HABP4: variants seen among roughly 807,000 people sequenced by gnomAD.
The protein encoded by HABP4 is intracellular hyaluronan-binding protein 4.
Under a neutral mutation model 44.1 loss-of-function variants are expected in HABP4, and 32 were observed. The observed-to-expected ratio is 0.73, with a 90% CI of 0.55 to 0.97. The LOEUF is 0.97. HABP4 is among the 50% of genes least tolerant of loss of function. HABP4 has a pLI of 0.00. For synonymous variants in HABP4, 216 were observed against 218.0 expected (o/e 0.99, Z 0.08); for missense variants, 503 against 561.9 (o/e 0.90, Z 1.06).
chr9:96,472,562 TC>T (rs1349216737), intron 5 of HABP4, among the ~76,000 whole-genome samples: 3 of 151,936 alleles, frequency 2.0e-5, no homozygotes, highest in Admixed American at 6.6e-5. Flanking sequence ...CGGGCTGCCA[TC>T]CCCCCCGACC....
chr9:96,485,802 G>A (rs1050797548), intron 6 of HABP4, among the ~76,000 whole-genome samples: 5 of 152,124 alleles, frequency 3.3e-5, no homozygotes, highest in African/African-American at 1.2e-4. Context: ...CAGGTAGCAG[G>A]TTCTTCCTCT....
intron 1 of HABP4, among the ~76,000 whole-genome samples, chr9:96,455,052 A>G (rs1299348202): frequency 1.3e-5 from 2 of 152,122 alleles, no homozygotes; most frequent in East Asian, 1.9e-4. Context: ...CCCAGAAGTC[A>G]AGGCTGCAGT....
chr9:96,484,053 G>A (rs1445408852), intron 5 of HABP4: 2 of 154,234 alleles, frequency 1.3e-5, no homozygotes, highest in African/African-American at 4.8e-5. Context: ...CATTAAAGAG[G>A]ATATTTGCAA....
intron 2 of HABP4, among the ~76,000 whole-genome samples, chr9:96,460,659 C>T (rs529285216): frequency 6.6e-6 from 1 of 152,290 alleles, no homozygotes; most frequent in East Asian, 1.9e-4. Flanking sequence ...TTCCTTTGTC[C>T]TTATGAATTT....
At chr9:96,460,528 A>T (rs1832483201) in intron 2 of HABP4, among the ~76,000 whole-genome samples, 1 of 152,240 alleles carries the variant, frequency 6.6e-6, no homozygotes. Flanking sequence ...GACTTTACTC[A>T]GATTTCACCA....
At chr9:96,461,974 TA>T (rs1832506717) in intron 2 of HABP4, among the ~76,000 whole-genome samples, 2 of 151,170 alleles carry the variant, frequency 1.3e-5, no homozygotes, top group Non-Finnish European at 2.9e-5. Flanking sequence ...CTGGCCAACA[TA>T]GTGAATCCCC....
At chr9:96,452,393 A>G (rs768462099) in intron 1 of HABP4, among the ~76,000 whole-genome samples, 1 of 152,162 alleles carries the variant, frequency 6.6e-6, no homozygotes, top group Admixed American at 6.6e-5. Context: ...TATTTTTCCT[A>G]CTAACACTTT....
At chr9:96,473,972 C>T (rs751056946) in intron 5 of HABP4, among the ~76,000 whole-genome samples, 4 of 152,152 alleles carry the variant, frequency 2.6e-5, no homozygotes, top group Non-Finnish European at 4.4e-5. Context: ...TTTTCTTCAT[C>T]TGTAAAATGG....
chr9:96,481,727 C>T (rs1225331180), intron 5 of HABP4, among the ~76,000 whole-genome samples: 1 of 152,020 alleles, frequency 6.6e-6, no homozygotes, highest in Non-Finnish European at 1.5e-5. Context: ...GCCTGGCCAA[C>T]AGAGTGAAAC....
At chr9:96,455,663 G>T (rs1832361621) in intron 1 of HABP4, among the ~76,000 whole-genome samples, 1 of 151,676 alleles carries the variant, frequency 6.6e-6, no homozygotes, top group Non-Finnish European at 1.5e-5. Flanking sequence ...CTACTCAGGA[G>T]GCCGAGGCAG....
At chr9:96,451,571 G>T (rs1348795730) in intron 1 of HABP4, 5 of 609,550 alleles carry the variant, frequency 8.2e-6, no homozygotes, top group Non-Finnish European at 1.0e-5. Flanking sequence ...TTATTGGTTT[G>T]TTCCTTGCTT....
chr9:96,462,611 CAA>C (rs35043603), intron 2 of HABP4, among the ~76,000 whole-genome samples: 31 of 126,334 alleles, frequency 2.5e-4, no homozygotes, highest in Admixed American at 4.1e-4. Context: ...GACTCTGTCT[CAA>C]AAAAAAAAAA....
intron 3 of HABP4, 101 bp downstream of exon 3, chr9:96,465,599 T>C: frequency 8.8e-7 from 1 of 1,142,688 alleles, no homozygotes; most frequent in South Asian, 1.2e-5. Flanking sequence ...AGTACTGTGC[T>C]GTTATTCTTG....
intron 5 of HABP4, among the ~76,000 whole-genome samples, chr9:96,473,452 C>T (rs62558785): frequency 3.9e-5 from 6 of 152,208 alleles, no homozygotes; most frequent in Non-Finnish European, 5.9e-5. Context: ...TCACCAGCGT[C>T]GTCTAAGCCA....
chr9:96,451,344 C>T (rs1832272974), intron 1 of HABP4: 1 of 229,480 alleles, frequency 4.4e-6, no homozygotes, highest in Non-Finnish European at 7.2e-6. Context: ...CAAGAAAAAC[C>T]GGTGCGCAGC....
rs961130739 is a variant in HABP4, at chr9:96,465,481, T to A, written c.657T>A (p.Tyr219Ter). The change falls in exon 3 of 8, where the codon TAT (tyrosine) becomes TAA (stop). Residue 219 changes from tyrosine (Y) to a stop codon, truncating the protein, a stop_gained. Transcript: ENST00000375249. LOFTEE classifies it high-confidence loss of function. Reference sequence around the variant, plus strand: ...GAGGAAAGCGAGAATTTGAAAGATATGGTGGGAATGACAAAATGTAAGTTT... The same window carrying A: ...GAGGAAAGCGAGAATTTGAAAGATAAGGTGGGAATGACAAAATGTAAGTTT... Reference protein sequence around the residue: ...DQRGKREFERYGGNDKIAVRT... With the variant: ...DQRGKREFER 1 of 1,610,618 alleles carries A rather than the reference T, an allele frequency of 6.2e-7. No homozygotes were observed. Among genetic ancestry groups the A allele is most frequent in the African/African-American group, 1.3e-5 (1 of 74,890 alleles).
Position 96,465,416 on chromosome 9 carries a change from G to C in HABP4, c.592G>C (p.Gly198Arg). ...PRGGMRGRGR[G>R]GPGNRVFDAF... ...AGGGGGTATGCGCGGCAGAGGCAGAGGTGGCCCTGGGAACAGAGTTTTTGA... is the reference window on the plus strand; with the variant it reads ...AGGGGGTATGCGCGGCAGAGGCAGACGTGGCCCTGGGAACAGAGTTTTTGA... Residue 198 changes from glycine to arginine, a missense_variant, in exon 3 of 8, where the codon GGT becomes CGT. This residue lies in a region of HABP4 where 290 missense variants were observed against 300.5 expected (regional missense o/e 0.97). Transcript: ENST00000375249. The C allele has an allele frequency of 1.2e-6, 2 of 1,610,824 alleles. No individual in the cohort carries two copies. The highest frequency in any genetic ancestry group is 1.7e-6 in the Non-Finnish European group (2 of 1,176,962).
chr9:96,451,482 C>G (rs1315780587), intron 1 of HABP4: 12 of 984,752 alleles, frequency 1.2e-5, no homozygotes, highest in Non-Finnish European at 1.4e-5. Flanking sequence ...GCAGCGGTCC[C>G]AAGGTTTGCA....
At position 96,450,314 on chromosome 9, in the gene HABP4, C is replaced by G; in HGVS notation, c.35C>G (p.Ala12Gly). ...GCTCTGGGGAGTCCCGTGGCTGCCG[C>G]TGGCGCCGCGATGCAGGAGAGTTTC... The part of the protein sequence containing the change: ...KGALGSPVAA[A>G]GAAMQESFGC... The change falls in exon 1 of 8, where the codon GCT becomes GGT. Residue 12 changes from alanine to glycine, a missense_variant. By Grantham distance (60) the Ala-to-Gly change is moderately conservative. Around this residue, in one of 3 missense-constraint regions of HABP4, gnomAD observed 290 missense variants for 300.5 expected, o/e 0.97. Coordinates refer to ENST00000375249, the MANE Select transcript of HABP4 (RefSeq NM_014282.4). The surrounding 1 kb of genome is among the most constrained non-coding windows in gnomAD (Gnocchi z 4.8). The G allele has an allele frequency of 1.4e-6, 2 of 1,379,874 alleles. No homozygotes were observed. The highest frequency in any genetic ancestry group is 1.9e-6 in the Non-Finnish European group (2 of 1,045,806). 85.5% of individuals were successfully genotyped at this position (1,379,874 alleles called of 1,614,324 possible). A position where few individuals can be genotyped will look rare whatever the true frequency, so the allele number is the denominator to read the frequency against.
Sources: allele counts gnomAD v4.1 joint callset (sites outside exome capture counted in the v4.1 genomes callset), GRCh38; gene constraint gnomAD v4.1.1; regional missense constraint gnomAD v4.1.1; non-coding constraint Gnocchi (gnomAD v3.1); transcripts MANE v1.5; gene names NCBI Gene and HGNC (gene_info 2026-07-23, HGNC 2026-07-21).